The following TBC1D9B variants were observed in gnomAD, a reference collection of about 807,000 sequenced individuals.
The protein encoded by TBC1D9B is TBC1 domain family, member 9B (with GRAM domain).
TBC1D9B carries 87 observed loss-of-function variants against 121.1 expected under a neutral mutation model. The ratio of observed to expected loss-of-function variants is 0.72; its 90% CI spans 0.60 to 0.86. The LOEUF is 0.86. Ranked by LOEUF, TBC1D9B falls within the 40% of genes least tolerant of loss-of-function variation. The pLI, the probability that TBC1D9B is intolerant of heterozygous loss-of-function variation, is 0.00. For synonymous variants in TBC1D9B, 668 were observed against 670.1 expected, an observed-to-expected ratio of 1.00 and a Z score of 0.05; for missense variants, 1,540 against 1,628.6, an observed-to-expected ratio of 0.95 and a Z score of 0.94.
At position 179,904,706 on chromosome 5, in the gene TBC1D9B, C is replaced by T. The variant is rs767394789; in HGVS notation, c.225G>A (p.Ala75=). The change falls in exon 2 of 21, where the codon GCG becomes GCA. Residue 75 remains alanine, a synonymous_variant. Coordinates refer to ENST00000355235, the MANE Select transcript of TBC1D9B (RefSeq NM_015043.4). This position sits in a 1 kb window ranked among gnomAD's most constrained non-coding sequence, Gnocchi z 4.2. ...CTCACCACTCAGGGCACCTACCACACGCCACTGTCCAGTAGACCTGGGAGT... is the reference window on the plus strand; with the variant it reads ...CTCACCACTCAGGGCACCTACCACATGCCACTGTCCAGTAGACCTGGGAGT... ...TQDSQVYWTV[A]CGSSRKEITK... 3.5e-5 allele frequency: 55 copies of T among 1,566,266 alleles called. No homozygotes were observed. The highest frequency in any genetic ancestry group is 3.9e-5 in the Non-Finnish European group (45 of 1,155,722).
Position 179,862,510 on chromosome 5 carries a change from T to A in TBC1D9B, c.*938A>T. On this transcript the variant is annotated 3_prime_UTR_variant, in exon 21 of 21. Transcript: ENST00000355235. The stretch of plus-strand genomic sequence containing the variant: ...CACAACCCCTGCCCATGAAGACCTG[T>A]GGAGCTCAGGGCATCCCCTGATGCA... 1 of 453,498 alleles carries A rather than the reference T, an allele frequency of 2.2e-6. No homozygotes were observed. The highest frequency in any genetic ancestry group is 4.5e-6 in the Non-Finnish European group (1 of 224,526). 28.1% of individuals were successfully genotyped at this position (453,498 alleles called of 1,614,324 possible).
In TBC1D9B at chr5:179,879,073, C is replaced by T. The variant is rs777824774; in HGVS notation, c.1541G>A (p.Arg514Gln). The change falls in exon 9 of 21, where the codon CGG becomes CAG. Residue 514 changes from arginine (R) to glutamine (Q), a missense_variant. Transcript: ENST00000355235. ...GGAGAAGAGGAGCCACAGCTCTCCC[C>T]GGAGGCTCTCAGGGATACCCTTCAG... ...LVLKGIPESL[R>Q]GELWLLFSGA... 9.3e-6 allele frequency: 15 copies of T among 1,604,804 alleles called. No individual in the cohort carries two copies. The highest frequency in any genetic ancestry group is 1.7e-4 in the Middle Eastern group (1 of 6,056).
chr5:179,886,325 C>T (rs1760683223), intron 7 of TBC1D9B, among the ~76,000 whole-genome samples: 1 of 152,198 alleles, frequency 6.6e-6, no homozygotes, highest in South Asian at 2.1e-4. Context: ...GCAGCTGGCA[C>T]CTAACAGGAA....
intron 5 of TBC1D9B, among the ~76,000 whole-genome samples, chr5:179,892,974 G>A (rs1404611605): frequency 6.6e-6 from 1 of 152,238 alleles, no homozygotes; most frequent in East Asian, 1.9e-4. Context: ...GGAATAAAGT[G>A]TGAAGAGCTT....
chr5:179,873,063 C>G, intron 13 of TBC1D9B, 56 bp downstream of exon 13: 1 of 1,613,058 alleles, frequency 6.2e-7, no homozygotes, highest in Non-Finnish European at 8.5e-7. Context: ...CATAGCCACC[C>G]CAACCCACAT....
At chr5:179,873,505 TG>T (rs1158932264) in intron 12 of TBC1D9B, among the ~76,000 whole-genome samples, 3 of 152,260 alleles carry the variant, frequency 2.0e-5, no homozygotes, top group South Asian at 2.1e-4. Flanking sequence ...TCTTAGTCAG[TG>T]GGGGGGTCCC....
At position 179,879,117 on chromosome 5, in the gene TBC1D9B, G is replaced by C. The variant is rs770036915; in HGVS notation, c.1497C>G (p.Ala499=). ...CCTTCAGGACCAGTGCCCGCGTCTT[G>C]GCTGTGCGGTACATGCACACGCCAC... The part of the protein sequence containing the change: ...YGRGVCMYRT[A]KTRALVLKGI... The change falls in exon 9 of 21, where the codon GCC becomes GCG. Residue 499 remains alanine (A), a synonymous_variant. Coordinates refer to ENST00000355235, the MANE Select transcript of TBC1D9B (RefSeq NM_015043.4). 1 of 1,608,040 alleles carries C rather than the reference G, an allele frequency of 6.2e-7. No homozygotes were observed. Among genetic ancestry groups the C allele is most frequent in the Non-Finnish European group, 8.5e-7 (1 of 1,179,932 alleles).
intron 2 of TBC1D9B, among the ~76,000 whole-genome samples, chr5:179,903,379 C>T (rs529039766): frequency 1.3e-5 from 2 of 152,316 alleles, no homozygotes; most frequent in East Asian, 3.9e-4. Context: ...CAGCAGGTAC[C>T]CGCTGAAAGG....
chr5:179,872,681 C>T, intron 14 of TBC1D9B: 1 of 576,582 alleles, frequency 1.7e-6, no homozygotes, highest in South Asian at 2.2e-5. Flanking sequence ...TTCCCGGTGA[C>T]ACATCCACCA....
Position 179,864,109 on chromosome 5 carries a change from C to T in TBC1D9B, c.3041G>A (p.Cys1014Tyr). The change falls in exon 21 of 21, where the codon TGC becomes TAC. Residue 1014 changes from cysteine (C) to tyrosine (Y), a missense_variant. Cys to Tyr is a radical substitution (Grantham distance 194). Transcript: ENST00000355235. Reference protein sequence around the residue: ...KMNQEQFIELCKTLYNMFSED... With the variant: ...KMNQEQFIELYKTLYNMFSED... ...ACTGAACATGTTGTAAAGCGTCTTG[C>T]ACAGCTCAATGAACTGCTCCTTTTA... 1.2e-6 allele frequency: 2 copies of T among 1,608,386 alleles called. No homozygotes were observed. Among genetic ancestry groups the T allele is most frequent in the Non-Finnish European group, 1.7e-6 (2 of 1,176,374 alleles).
intron 7 of TBC1D9B, among the ~76,000 whole-genome samples, chr5:179,882,046 GC>G (rs146033988): frequency 0.044 from 6,689 of 151,392 alleles, 210 homozygotes; most frequent in Non-Finnish European, 0.066. Context: ...CTGGGCTCAG[GC>G]AATTCTCCTG....
intron 5 of TBC1D9B, among the ~76,000 whole-genome samples, chr5:179,892,402 G>A (rs1181053932): frequency 2.0e-5 from 3 of 152,248 alleles, no homozygotes; most frequent in Non-Finnish European, 4.4e-5. Flanking sequence ...GCAGGAAATG[G>A]CCTGGCTGGA....
At chr5:179,895,095 A>C (rs943688920) in intron 3 of TBC1D9B, among the ~76,000 whole-genome samples, 1 of 152,172 alleles carries the variant, frequency 6.6e-6, no homozygotes, top group Non-Finnish European at 1.5e-5. Flanking sequence ...TCCTGGGCTC[A>C]AGTGATCCGC....
rs753121786 is a variant in TBC1D9B at position 179,878,361 on chromosome 5, C to A, written c.1730G>T (p.Arg577Leu). ...FQNELGIAAL[R>L]RVLTAYAFRN... ...GAAGGCATAGGCAGTCAGCACCCGC[C>A]GGAGGGCAGCAATCCCCAGCTCGTT... Residue 577 changes from arginine to leucine, a missense_variant, in exon 10 of 21, where the codon CGG becomes CTG. Coordinates refer to ENST00000355235, the MANE Select transcript of TBC1D9B (RefSeq NM_015043.4). 5.0e-6 allele frequency: 8 copies of A among 1,613,930 alleles called. No homozygotes were observed. The highest frequency in any genetic ancestry group is 1.3e-5 in the African/African-American group (1 of 75,034).
chr5:179,899,391 G>C, intron 2 of TBC1D9B, 84 bp from the exon 3 acceptor site: 1 of 1,173,606 alleles, frequency 8.5e-7, no homozygotes. Flanking sequence ...GATGAAAGTG[G>C]GTGACCTCAT....
chr5:179,883,047 CAG>C (rs1760584765), intron 7 of TBC1D9B, among the ~76,000 whole-genome samples: 1 of 152,106 alleles, frequency 6.6e-6, no homozygotes, highest in African/African-American at 2.4e-5. Context: ...TTAGTAGAGA[CAG>C]AGTTTCACCA....
chr5:179,894,325 G>A, intron 4 of TBC1D9B, 61 bp downstream of exon 4: 4 of 1,464,388 alleles, frequency 2.7e-6, no homozygotes, highest in Non-Finnish European at 2.8e-6. Context: ...AGTATCTGGG[G>A]GCCGAAGGCA....
At position 179,890,615 on chromosome 5, in the gene TBC1D9B, G is replaced by T. The variant is rs541537778; in HGVS notation, c.1044+764C>A. Reference sequence around the variant, plus strand: ...GCTACATCTGCAACTTGAGGGATTTGTGCAAATGGCAGGGAGGTCTTTAAG... The same window carrying T: ...GCTACATCTGCAACTTGAGGGATTTTTGCAAATGGCAGGGAGGTCTTTAAG... On this transcript the variant is annotated intron_variant, in intron 6 of 20. Coordinates refer to ENST00000355235, the MANE Select transcript of TBC1D9B (RefSeq NM_015043.4). The surrounding 1 kb of genome is among the most constrained non-coding windows in gnomAD (Gnocchi z 5.0). Among the ~76,000 whole-genome samples, 1 of 152,320 alleles carries T rather than the reference G, an allele frequency of 6.6e-6. No homozygotes were observed. The highest frequency in any genetic ancestry group is 2.1e-4 in the South Asian group (1 of 4,826).
intron 12 of TBC1D9B, 133 bp from the exon 13 acceptor site, chr5:179,873,381 C>G: frequency 7.4e-7 from 1 of 1,347,094 alleles, no homozygotes; most frequent in Non-Finnish European, 9.8e-7. Context: ...ACTGGGCACC[C>G]TGCAGGAGGG....
Sources: gnomAD v4.1 joint callset for allele counts (sites outside exome capture counted in the v4.1 genomes callset) on GRCh38, gnomAD v4.1.1 for gene constraint, Gnocchi (gnomAD v3.1) non-coding constraint, MANE v1.5 for transcripts, NCBI Gene and HGNC (gene_info 2026-07-23, HGNC 2026-07-21) for gene names.